CLVS1: variants seen among roughly 807,000 people sequenced by gnomAD.
CLVS1 encodes clavesin 1.
Under a neutral mutation model 33.1 loss-of-function variants are expected in CLVS1, and 10 were observed. The ratio of observed to expected loss-of-function variants is 0.30; its 90% CI spans 0.19 to 0.51. CLVS1 has a LOEUF of 0.51. Among genes scored for constraint, CLVS1 ranks in the 20% least tolerant of loss-of-function variants. The pLI is 0.97. For synonymous variants in CLVS1, 163 were observed against 166.1 expected, an observed-to-expected ratio of 0.98 and a Z score of 0.14; for missense variants, 343 against 433.4, an observed-to-expected ratio of 0.79 and a Z score of 1.85.
At chr8:61,243,978 G>T (rs80108493) in intron 2 of CLVS1, among the ~76,000 whole-genome samples, 1,817 of 151,864 alleles carry the variant, frequency 0.012, 45 homozygotes, top group African/African-American at 0.042. Context: ...CCATATTTTC[G>T]AATTCACCAA....
intron 2 of CLVS1, among the ~76,000 whole-genome samples, chr8:61,355,756 T>C (rs1226683558): frequency 6.6e-6 from 1 of 152,220 alleles, no homozygotes; most frequent in Admixed American, 6.5e-5. Flanking sequence ...TCATTTTTTA[T>C]GGCTGCATAG....
At chr8:60,998,453 G>T in the CLVS1 span, among the ~76,000 whole-genome samples, 2 of 152,054 alleles carry the variant, frequency 1.3e-5, no homozygotes, top group South Asian at 2.1e-4. Flanking sequence ...AAGGGGTGAG[G>T]GTGGGGGCGT....
At chr8:61,458,570 C>CG (rs769731073) in intron 5 of CLVS1, 28 bp downstream of exon 5, 5 of 1,470,464 alleles carry the variant, frequency 3.4e-6, no homozygotes, top group East Asian at 2.3e-5. Flanking sequence ...AGAGCCCCCC[C>CG]CCCAGTCAGA....
intron 3 of CLVS1, among the ~76,000 whole-genome samples, chr8:61,399,643 T>G (rs893278340): frequency 6.6e-6 from 1 of 152,246 alleles, no homozygotes; most frequent in African/African-American, 2.4e-5. Context: ...GCCTATATTT[T>G]CTTCTAGGGT....
intron 3 of CLVS1, among the ~76,000 whole-genome samples, chr8:61,420,517 G>A (rs1412175242): frequency 7.2e-5 from 11 of 151,962 alleles, no homozygotes; most frequent in South Asian, 2.1e-4. Context: ...CAAAAGAATC[G>A]CTTGAACCCG....
intron 2 of CLVS1, chr8:61,202,791 T>C: frequency 2.1e-6 from 3 of 1,448,522 alleles, no homozygotes; most frequent in South Asian, 2.3e-5. Flanking sequence ...CCCTCGGAGG[T>C]AGTAGCAAGC....
chr8:61,462,138 C>G (rs1817389972), intron 5 of CLVS1, among the ~76,000 whole-genome samples: 1 of 152,164 alleles, frequency 6.6e-6, no homozygotes. Context: ...TGGCTCTATC[C>G]TATAGATGTT....
At chr8:61,422,118 T>C (rs1161662759) in intron 3 of CLVS1, among the ~76,000 whole-genome samples, 1 of 152,016 alleles carries the variant, frequency 6.6e-6, no homozygotes, top group Non-Finnish European at 1.5e-5. Flanking sequence ...TGAAGAACAT[T>C]TTTTCTCCAG....
chr8:61,260,209 C>T (rs557489062), intron 2 of CLVS1, among the ~76,000 whole-genome samples: 29 of 152,212 alleles, frequency 1.9e-4, no homozygotes, highest in Non-Finnish European at 4.1e-4. Context: ...GCATGCCATT[C>T]AGTCCATTCT....
chr8:61,176,119 A>G (rs1202259378), intron 2 of CLVS1, among the ~76,000 whole-genome samples: 1 of 152,178 alleles, frequency 6.6e-6, no homozygotes, highest in Non-Finnish European at 1.5e-5. Context: ...GTGCTCTCTC[A>G]TACTGGGTTT....
At chr8:61,186,220 G>A (rs533673293) in intron 2 of CLVS1, among the ~76,000 whole-genome samples, 4 of 152,308 alleles carry the variant, frequency 2.6e-5, no homozygotes, top group South Asian at 2.1e-4. Flanking sequence ...AGAAAATCAA[G>A]TAAGGGCAAA....
chr8:60,979,005 A>G, the CLVS1 span, among the ~76,000 whole-genome samples: 1 of 152,118 alleles, frequency 6.6e-6, no homozygotes, highest in Non-Finnish European at 1.5e-5. Context: ...CATACTCTAT[A>G]TTTTGACAAC....
chr8:60,984,292 T>C, the CLVS1 span, among the ~76,000 whole-genome samples: 4 of 151,914 alleles, frequency 2.6e-5, no homozygotes, highest in Non-Finnish European at 4.4e-5. Context: ...AAAGGTCTAG[T>C]TTTTTTTCTT....
At chr8:61,429,472 T>C (rs1377506627) in intron 3 of CLVS1, among the ~76,000 whole-genome samples, 2 of 139,376 alleles carry the variant, frequency 1.4e-5, no homozygotes, top group Non-Finnish European at 3.2e-5. Context: ...AGGGTTAAAA[T>C]TGTAAAATTC....
At chr8:61,480,184 G>C (rs1219553349) in intron 5 of CLVS1, among the ~76,000 whole-genome samples, 1 of 152,262 alleles carries the variant, frequency 6.6e-6, no homozygotes, top group Non-Finnish European at 1.5e-5. Context: ...CCCAGAGGTG[G>C]AGCCTACAGA....
chr8:61,217,889 A>G (rs557273776), intron 2 of CLVS1, among the ~76,000 whole-genome samples: 16 of 152,236 alleles, frequency 1.1e-4, no homozygotes, highest in Non-Finnish European at 1.3e-4. Flanking sequence ...TGGCTAACAA[A>G]TATATGAAGA....
chr8:61,178,480 T>G (rs527459657), intron 2 of CLVS1, among the ~76,000 whole-genome samples: 1 of 152,190 alleles, frequency 6.6e-6, no homozygotes, highest in Admixed American at 6.5e-5. Context: ...ACATTCAAAT[T>G]CAGGAAATAC....
At chr8:61,198,694 T>C (rs1224422340) in intron 2 of CLVS1, among the ~76,000 whole-genome samples, 1 of 152,138 alleles carries the variant, frequency 6.6e-6, no homozygotes, top group African/African-American at 2.4e-5. Context: ...CCCCAATAGA[T>C]ATTTTTCATC....
chr8:61,381,496 G>A (rs1237236683), intron 3 of CLVS1, among the ~76,000 whole-genome samples: 1 of 152,128 alleles, frequency 6.6e-6, no homozygotes, highest in African/African-American at 2.4e-5. Context: ...TGGGTAAACT[G>A]TACGTTGCTG....
Sources: allele counts gnomAD v4.1 joint callset (sites outside exome capture counted in the v4.1 genomes callset), GRCh38; gene constraint gnomAD v4.1.1; transcripts MANE v1.5; gene names NCBI Gene and HGNC (gene_info 2026-07-23, HGNC 2026-07-21).